Variants in FADS6 observed in about 807,000 individuals in gnomAD.
FADS6 encodes fatty acid desaturase domain family, member 6.
Under a neutral mutation model 31.7 loss-of-function variants are expected in FADS6, and 28 were observed. That is an observed-to-expected ratio of 0.88 (90% confidence interval 0.66 to 1.21). FADS6 has a LOEUF of 1.21. FADS6 is among the 50% of genes most tolerant of loss of function. The probability of loss-of-function intolerance (pLI) is 0.00; values close to 1 mark genes in which losing one functional copy is unlikely to be tolerated. For missense variants in FADS6, 494 were observed against 504.2 expected, an observed-to-expected ratio of 0.98 and a Z score of 0.19; for synonymous variants, 191 against 213.1, an observed-to-expected ratio of 0.90 and a Z score of 0.90.
chr17:74,879,614 G>C lies in FADS6; in HGVS notation c.781-31C>G, dbSNP rs1385606883. On this transcript the variant is annotated intron_variant, in intron 4 of 5. Coordinates refer to ENST00000612771, the MANE Select transcript of FADS6 (RefSeq NM_178128.6). The stretch of plus-strand genomic sequence containing the variant: ...ACAGACACGTGGGTCACGCCGGGCA[G>C]CCTGGACCTCCCCACCCCACTCCAG... 2 of 1,592,570 alleles carry C rather than the reference G, an allele frequency of 1.3e-6. 1 individual carries two copies. Among genetic ancestry groups the C allele is most frequent in the Non-Finnish European group, 1.7e-6 (2 of 1,167,896 alleles).
intron 1 of FADS6, among the ~76,000 whole-genome samples, chr17:74,893,013 T>A (rs1439096406): frequency 6.6e-6 from 1 of 151,872 alleles, no homozygotes. Flanking sequence ...CCCACTCACC[T>A]AGGTCCCCAA....
chr17:74,888,141 CACACA>C (rs2038644662), intron 2 of FADS6, among the ~76,000 whole-genome samples: 4 of 113,592 alleles, frequency 3.5e-5, no homozygotes, highest in African/African-American at 1.6e-4. Context: ...CACACACACA[CACACA>C]CACACACACG....
chr17:74,892,647 G>C lies in FADS6; in HGVS notation c.287C>G (p.Ser96Cys). 6.2e-7 allele frequency: 1 copy of C among 1,613,300 alleles called. No homozygotes were observed. The highest frequency in any genetic ancestry group is 1.7e-5 in the Admixed American group (1 of 59,954). ...GCACACACCCAAGATGGTGATGCCG[G>C]ATGCAAAGACCAGGGCATTCTCCCA... is the stretch of plus-strand genomic sequence containing the variant. ...LRWENALVFASGITILGVCHY... is the reference protein window; with the variant it reads ...LRWENALVFACGITILGVCHY... The change falls in exon 2 of 6, where the codon TCC becomes TGC. Residue 96 changes from serine to cysteine, a missense_variant. By Grantham distance (112) the Ser-to-Cys change is moderately radical. Transcript: ENST00000612771.
In FADS6 at chr17:74,892,645, C is replaced by T. The variant is rs1042209180; in HGVS notation, c.289G>A (p.Gly97Ser). 6 of 1,613,182 alleles carry T rather than the reference C, an allele frequency of 3.7e-6. No individual in the cohort carries two copies. Among genetic ancestry groups the T allele is most frequent in the Middle Eastern group, 1.7e-4 (1 of 6,060 alleles). ...TGGCACACACCCAAGATGGTGATGCCGGATGCAAAGACCAGGGCATTCTCC... is the reference window on the plus strand; with the variant it reads ...TGGCACACACCCAAGATGGTGATGCTGGATGCAAAGACCAGGGCATTCTCC... The part of the protein sequence containing the change: ...RWENALVFAS[G>S]ITILGVCHYT... Residue 97 changes from glycine (G) to serine (S), a missense_variant, in exon 2 of 6, where the codon GGC becomes AGC. Physicochemically the swap from Gly to Ser is moderately conservative, Grantham distance 56 (BLOSUM62 0). Coordinates refer to ENST00000612771, the MANE Select transcript of FADS6 (RefSeq NM_178128.6).
intron 2 of FADS6, among the ~76,000 whole-genome samples, chr17:74,888,293 G>A (rs563712536): frequency 2.0e-5 from 3 of 151,992 alleles, no homozygotes; most frequent in African/African-American, 7.2e-5. Flanking sequence ...TGCAAGGCCT[G>A]TGAATCTATA....
At chr17:74,879,241 T>C (rs1257932838) in intron 5 of FADS6, 163 bp downstream of exon 5, 2 of 823,328 alleles carry the variant, frequency 2.4e-6, no homozygotes, top group Admixed American at 6.1e-5. Flanking sequence ...TTCACCATGT[T>C]GCCCAGGCTG....
intron 2 of FADS6, among the ~76,000 whole-genome samples, chr17:74,888,543 G>T (rs990808799): frequency 6.6e-6 from 1 of 152,118 alleles, no homozygotes; most frequent in Non-Finnish European, 1.5e-5. Flanking sequence ...TTAGGCGGGG[G>T]TTCCTGGCCC....
At chr17:74,889,920 T>C (rs554157995) in intron 2 of FADS6, among the ~76,000 whole-genome samples, 1 of 145,520 alleles carries the variant, frequency 6.9e-6, no homozygotes, top group South Asian at 2.2e-4. Context: ...CTGCTAACCC[T>C]TTCCTTGCAG....
Position 74,893,568 on chromosome 17 carries a change from T to C in FADS6, c.28A>G (p.Thr10Ala). 2 of 1,374,762 alleles carry C rather than the reference T, an allele frequency of 1.5e-6. No individual in the cohort carries two copies. Among genetic ancestry groups the C allele is most frequent in the Non-Finnish European group, 1.9e-6 (2 of 1,055,130 alleles). 85.2% of individuals were successfully genotyped at this position (1,374,762 alleles called of 1,614,324 possible). A position where few individuals can be genotyped will look rare whatever the true frequency, so the allele number is the denominator to read the frequency against. ...GGCTCCGTAGGTTCCATGGGCTCCG[T>C]AGGTTCCATCGGCTCCGTGGGTTCC... MEPTEPMEP[T>A]EPMEPTEPME... Residue 10 changes from threonine to alanine, a missense_variant, in exon 1 of 6, where the codon ACG becomes GCG. Physicochemically the swap from Thr to Ala is moderately conservative, Grantham distance 58. Transcript: ENST00000612771.
rs1481599122 is a variant in FADS6, at chr17:74,893,375, A to C, written c.221T>G (p.Leu74Arg). The C allele has an allele frequency of 6.5e-7, 1 of 1,529,810 alleles. No homozygotes were observed. The highest frequency in any genetic ancestry group is 8.8e-7 in the Non-Finnish European group (1 of 1,141,270). 94.8% of individuals were successfully genotyped at this position (1,529,810 alleles called of 1,614,324 possible). The part of the protein sequence containing the change: ...RHGVDCAILA[L>R]SLFALPAGFL... ...ACCTGCCGGCAAGGCGAAGAGGCTG[A>C]GCGCGAGGATGGCGCAGTCCACGCC... is the stretch of plus-strand genomic sequence containing the variant. Residue 74 changes from leucine to arginine, a missense_variant, in exon 1 of 6, where the codon CTC (leucine) becomes CGC (arginine). Physicochemically the swap from Leu to Arg is moderately radical, Grantham distance 102 (BLOSUM62 -2). This residue lies in a region of FADS6 where 454 missense variants were observed against 438.5 expected (regional missense o/e 1.04). Transcript: ENST00000612771.
At chr17:74,891,240 G>C (rs980330226) in intron 2 of FADS6, among the ~76,000 whole-genome samples, 1 of 150,674 alleles carries the variant, frequency 6.6e-6, no homozygotes, top group Admixed American at 6.7e-5. Context: ...GTTTCACCAC[G>C]TTGGTCATGC....
chr17:74,889,135 C>G (rs1228932009), intron 2 of FADS6, among the ~76,000 whole-genome samples: 1 of 152,194 alleles, frequency 6.6e-6, no homozygotes, highest in Non-Finnish European at 1.5e-5. Flanking sequence ...TTGCCCCTCC[C>G]CCAGATCCAA....
chr17:74,886,203 C>T (rs1237126977), intron 2 of FADS6, among the ~76,000 whole-genome samples: 1 of 147,618 alleles, frequency 6.8e-6, no homozygotes, highest in Non-Finnish European at 1.5e-5. Flanking sequence ...CCCGCCACTG[C>T]ACTCCAGCCT....
chr17:74,889,145 A>G (rs1035838518), intron 2 of FADS6, among the ~76,000 whole-genome samples: 2 of 152,184 alleles, frequency 1.3e-5, no homozygotes, highest in African/African-American at 4.8e-5. Context: ...CCCAGATCCA[A>G]TGGCCCAGCT....
chr17:74,881,422 G>A (rs1204946513), intron 3 of FADS6, among the ~76,000 whole-genome samples, 167 bp from the exon 4 acceptor site: 1 of 152,220 alleles, frequency 6.6e-6, no homozygotes, highest in Non-Finnish European at 1.5e-5. Flanking sequence ...CAGAGGCCAG[G>A]CTCGATGGCT....
At chr17:74,882,038 T>A (rs1443868640) in intron 3 of FADS6, among the ~76,000 whole-genome samples, 1 of 151,310 alleles carries the variant, frequency 6.6e-6, no homozygotes, top group Admixed American at 6.6e-5. Flanking sequence ...TGGGTTCAAG[T>A]GATTCTCCTG....
chr17:74,882,910 C>T, intron 2 of FADS6, 200 bp from the exon 3 acceptor site: 89 of 1,398,608 alleles, frequency 6.4e-5, no homozygotes, highest in Non-Finnish European at 8.4e-5. Context: ...CCAGTCAATA[C>T]AATCGTGTCC....
intron 2 of FADS6, among the ~76,000 whole-genome samples, chr17:74,889,990 C>A (rs2038671173): frequency 6.6e-6 from 1 of 151,806 alleles, no homozygotes; most frequent in East Asian, 1.9e-4. Context: ...GGTGTCAGGA[C>A]CAGGCCCTCC....
At chr17:74,883,432 A>G (rs1213624283) in intron 2 of FADS6, among the ~76,000 whole-genome samples, 1 of 152,220 alleles carries the variant, frequency 6.6e-6, no homozygotes, top group East Asian at 1.9e-4. Flanking sequence ...CTAGGACAGA[A>G]GATGTGGCTA....
Sources: allele counts gnomAD v4.1 joint callset (sites outside exome capture counted in the v4.1 genomes callset), GRCh38; gene constraint gnomAD v4.1.1; regional missense constraint gnomAD v4.1.1; transcripts MANE v1.5; gene names NCBI Gene and HGNC (gene_info 2026-07-23, HGNC 2026-07-21).